The following SLC24A3 variants were observed in gnomAD, a reference collection of about 807,000 sequenced individuals.
The protein encoded by SLC24A3 is solute carrier family 24 member 3, also known as sodium/potassium/calcium exchanger 3.
In SLC24A3, 28 loss-of-function variants were observed where a neutral mutation model predicts 75.8. The observed-to-expected ratio is 0.37, with a 90% confidence interval of 0.27 to 0.51. SLC24A3 has a LOEUF of 0.51. Among genes scored for constraint, SLC24A3 ranks in the 20% least tolerant of loss-of-function variants. SLC24A3 has a pLI of 0.94. For synonymous variants in SLC24A3, 372 were observed against 334.1 expected, an observed-to-expected ratio of 1.11 and a Z score of -1.24; for missense variants, 663 against 847.8, an observed-to-expected ratio of 0.78 and a Z score of 2.71.
At position 19,597,145 on chromosome 20, in the gene SLC24A3, G is replaced by C. The variant is rs531312255; in HGVS notation, c.612+11601G>C. Among the ~76,000 whole-genome samples, 6 of 151,730 alleles carry C rather than the reference G, an allele frequency of 4.0e-5. No homozygotes were observed. The East Asian group carries it at 1.2e-3, about 29-fold the overall frequency. On this transcript the variant is annotated intron_variant, in intron 6 of 16. Coordinates refer to ENST00000328041, the MANE Select transcript of SLC24A3 (RefSeq NM_020689.4). The stretch of plus-strand genomic sequence containing the variant: ...CACCTGTGGCCCCAGCACTTTGGAA[G>C]GCCAAGGTGGGTGGATTGCTTGAGC...
At chr20:19,447,648 G>A (rs1250909891) in intron 2 of SLC24A3, among the ~76,000 whole-genome samples, 1 of 152,186 alleles carries the variant, frequency 6.6e-6, no homozygotes, top group Non-Finnish European at 1.5e-5. Flanking sequence ...GTTATGCTGG[G>A]CACAATTTTC....
intron 6 of SLC24A3, among the ~76,000 whole-genome samples, chr20:19,628,987 C>T (rs768440710): frequency 2.0e-5 from 3 of 151,572 alleles, no homozygotes; most frequent in Non-Finnish European, 4.4e-5. Context: ...AACAAACAAA[C>T]AAGAAACAGG....
intron 1 of SLC24A3, among the ~76,000 whole-genome samples, chr20:19,240,500 G>A (rs1982299620): frequency 6.6e-6 from 1 of 152,230 alleles, no homozygotes. Flanking sequence ...TGTATGTGCA[G>A]ACAGGCTCAG....
chr20:19,658,854 C>CCCAGTGAG (rs1173713091), intron 7 of SLC24A3, among the ~76,000 whole-genome samples: 2 of 152,216 alleles, frequency 1.3e-5, no homozygotes, highest in Admixed American at 6.5e-5. Flanking sequence ...CTCCTCTGCC[C>CCCAGTGAG]CCAGTGAGCA....
At chr20:19,377,002 G>A (rs779146304) in intron 2 of SLC24A3, among the ~76,000 whole-genome samples, 95 of 152,212 alleles carry the variant, frequency 6.2e-4, no homozygotes, top group Non-Finnish European at 9.4e-4. Flanking sequence ...TGTCCATCAC[G>A]TGGCAGTTGA....
At chr20:19,477,851 A>G (rs1324706748) in intron 2 of SLC24A3, among the ~76,000 whole-genome samples, 1 of 152,232 alleles carries the variant, frequency 6.6e-6, no homozygotes, top group Non-Finnish European at 1.5e-5. Context: ...GACTTGATCC[A>G]AAAAGGAACA....
At chr20:19,702,622 C>CAAAA (rs11470232) in intron 15 of SLC24A3, among the ~76,000 whole-genome samples, 4 of 148,968 alleles carry the variant, frequency 2.7e-5, no homozygotes, top group African/African-American at 2.5e-5. Flanking sequence ...GTAATAAGTG[C>CAAAA]AAAAAAAAAA....
At chr20:19,292,106 C>T (rs924512147) in intron 2 of SLC24A3, among the ~76,000 whole-genome samples, 2 of 152,218 alleles carry the variant, frequency 1.3e-5, no homozygotes, top group African/African-American at 4.8e-5. Flanking sequence ...GACCCTGGAC[C>T]AGCCGCGTAA....
intron 2 of SLC24A3, among the ~76,000 whole-genome samples, chr20:19,448,231 A>G (rs954067582): frequency 6.6e-6 from 1 of 152,204 alleles, no homozygotes. Context: ...GGACCCCATG[A>G]TCTGCGATTA....
intron 2 of SLC24A3, among the ~76,000 whole-genome samples, chr20:19,504,629 C>G (rs1391981416): frequency 6.6e-6 from 1 of 152,166 alleles, no homozygotes; most frequent in Non-Finnish European, 1.5e-5. Flanking sequence ...TGGTCTGGAT[C>G]AATAGCAGAC....
chr20:19,646,271 A>G (rs1170161835), intron 6 of SLC24A3, among the ~76,000 whole-genome samples: 1 of 152,238 alleles, frequency 6.6e-6, no homozygotes, highest in Admixed American at 6.5e-5. Flanking sequence ...AATACAGTAT[A>G]TCACATTAAA....
At chr20:19,264,766 T>C (rs1983110550) in intron 1 of SLC24A3, among the ~76,000 whole-genome samples, 1 of 148,512 alleles carries the variant, frequency 6.7e-6, no homozygotes, top group Non-Finnish European at 1.5e-5. Flanking sequence ...ACGTGCAGCC[T>C]GGACTCTGGG....
intron 1 of SLC24A3, among the ~76,000 whole-genome samples, chr20:19,279,259 C>A (rs181827332): frequency 3.1e-4 from 47 of 152,322 alleles, no homozygotes; most frequent in Non-Finnish European, 4.9e-4. Flanking sequence ...GGCCACTGGG[C>A]CCATGGGTTA....
chr20:19,530,953 T>C (rs774564911), intron 3 of SLC24A3, among the ~76,000 whole-genome samples: 1 of 152,074 alleles, frequency 6.6e-6, no homozygotes, highest in Non-Finnish European at 1.5e-5. Context: ...AGCTGCTCCA[T>C]AGAAGGAATA....
chr20:19,427,567 G>T (rs1357533125), intron 2 of SLC24A3, among the ~76,000 whole-genome samples: 2 of 152,320 alleles, frequency 1.3e-5, no homozygotes, highest in African/African-American at 4.8e-5. Context: ...TGCAGCCTTG[G>T]CCCCAAAAAT....
intron 1 of SLC24A3, among the ~76,000 whole-genome samples, chr20:19,275,517 G>A (rs1983457421): frequency 6.6e-6 from 1 of 152,216 alleles, no homozygotes; most frequent in African/African-American, 2.4e-5. Context: ...TGTGGGACAA[G>A]GTTCACATAG....
intron 2 of SLC24A3, among the ~76,000 whole-genome samples, chr20:19,505,755 G>T (rs1426237387): frequency 2.6e-5 from 4 of 152,246 alleles, no homozygotes; most frequent in African/African-American, 9.6e-5. Context: ...GAGAGAAAGA[G>T]TGGTATTAAT....
At chr20:19,433,145 G>T (rs905836916) in intron 2 of SLC24A3, among the ~76,000 whole-genome samples, 1 of 152,138 alleles carries the variant, frequency 6.6e-6, no homozygotes, top group Admixed American at 6.5e-5. Context: ...CCCTTTCTCC[G>T]CAATGTATCA....
intron 2 of SLC24A3, among the ~76,000 whole-genome samples, chr20:19,461,231 G>C (rs56283812): frequency 0.024 from 3,675 of 152,204 alleles, 148 homozygotes; most frequent in African/African-American, 0.084. Flanking sequence ...TTCACTCCAT[G>C]TTCTCTAGAT....
Sources: allele counts gnomAD v4.1 joint callset (sites outside exome capture counted in the v4.1 genomes callset), GRCh38; gene constraint gnomAD v4.1.1; transcripts MANE v1.5; gene names NCBI Gene and HGNC (gene_info 2026-07-23, HGNC 2026-07-21).